The following CELF2 variants were observed in gnomAD, a reference collection of about 807,000 sequenced individuals.
CELF2 encodes CUG triplet repeat RNA-binding protein 2.
A neutral mutation model predicts 62.6 loss-of-function variants in CELF2; 8 were observed. The observed-to-expected ratio is 0.13, with a 90% CI of 0.07 to 0.23. The LOEUF (loss-of-function observed/expected upper bound fraction) is 0.23, where lower values mean the gene tolerates loss of function less well. Ranked by LOEUF, CELF2 falls within the 10% of genes least tolerant of loss-of-function variation. The probability of loss-of-function intolerance (pLI) is 1.00; values close to 1 mark genes in which losing one functional copy is unlikely to be tolerated. For synonymous variants in CELF2, 258 were observed against 250.0 expected, an observed-to-expected ratio of 1.03 and a Z score of -0.30; for missense variants, 333 against 671.0, an observed-to-expected ratio of 0.50 and a Z score of 5.56.
At chr10:10,618,956 T>C in the CELF2 span, among the ~76,000 whole-genome samples, 1 of 152,280 alleles carries the variant, frequency 6.6e-6, no homozygotes, top group Non-Finnish European at 1.5e-5. Flanking sequence ...TTGCATAGCA[T>C]GTGAAGAAGC....
Position 11,324,478 on chromosome 10 carries a change from C to T in CELF2, c.1295-1358C>T, listed in dbSNP as rs943611620. ...ACCAAAGGCCCCCCTGCAATTGTGT[C>T]CCTTTAAAATAGACTCCTTCCCATG... is the stretch of plus-strand genomic sequence containing the variant. On this transcript the variant is annotated intron_variant, in intron 11 of 12. Transcript: ENST00000633077. The surrounding 1 kb of genome is among the most constrained non-coding windows in gnomAD (Gnocchi z 4.7). 6.6e-6 allele frequency among the ~76,000 whole-genome samples: 1 copy of T among 152,190 alleles called. No individual in the cohort carries two copies. Among genetic ancestry groups the T allele is most frequent in the Admixed American group, 6.5e-5 (1 of 15,284 alleles).
At chr10:11,114,199 C>T (rs1024456595) in intron 1 of CELF2, among the ~76,000 whole-genome samples, 2 of 152,078 alleles carry the variant, frequency 1.3e-5, no homozygotes, top group Non-Finnish European at 2.9e-5. Flanking sequence ...AGCAAAGGGC[C>T]AGGTGCTCAG....
At chr10:11,043,022 C>T in intron 1 of CELF2, among the ~76,000 whole-genome samples, 1 of 152,148 alleles carries the variant, frequency 6.6e-6, no homozygotes. Context: ...TTTAATCCTC[C>T]TGTGTATATG....
the CELF2 span, among the ~76,000 whole-genome samples, chr10:10,634,766 A>C: frequency 6.6e-6 from 1 of 150,694 alleles, no homozygotes; most frequent in African/African-American, 2.4e-5. Context: ...GGTTCAAGCG[A>C]TTCTCCTGTC....
At chr10:10,698,071 A>T in the CELF2 span, among the ~76,000 whole-genome samples, 1 of 152,326 alleles carries the variant, frequency 6.6e-6, no homozygotes, top group South Asian at 2.1e-4. Context: ...AGTAGGTTTT[A>T]ACATATCAAT....
rs1029997927 is a variant in CELF2, at chr10:11,328,597, A to G, written c.1439-329A>G. Among the ~76,000 whole-genome samples the G allele has an allele frequency of 5.3e-5, 8 of 152,216 alleles. No homozygotes were observed. The highest frequency in any genetic ancestry group is 1.4e-4 in the African/African-American group (6 of 41,454). ...CTGGGGTTCTTTTGGAGAGATACTA[A>G]AGGACTTGAAACACAATGATTTGAG... is the stretch of plus-strand genomic sequence containing the variant. On this transcript the variant is annotated intron_variant, in intron 12 of 12. Coordinates refer to ENST00000633077, the MANE Select transcript of CELF2 (RefSeq NM_001326342.2). The surrounding 1 kb of genome is among the most constrained non-coding windows in gnomAD (Gnocchi z 6.4).
chr10:10,508,660 ATGTGTG>A, the CELF2 span, among the ~76,000 whole-genome samples: 27,634 of 140,746 alleles, frequency 0.2, 2,737 homozygotes, highest in Middle Eastern at 0.28. Context: ...TCTTAAACAG[ATGTGTG>A]TGTGTGTGTG....
rs776992437 is a variant in CELF2, at chr10:11,046,021, G to A, written c.74+27858G>A. Among the ~76,000 whole-genome samples the A allele has an allele frequency of 6.6e-6, 1 of 152,186 alleles. No homozygotes were observed. Among genetic ancestry groups the A allele is most frequent in the Non-Finnish European group, 1.5e-5 (1 of 68,038 alleles). ...AAGGAAACAAAATTTAAAATGCTCA[G>A]GGTTTGTTTTTAAAGGCAACGACTC... On this transcript the variant is annotated intron_variant, in intron 1 of 12. Coordinates refer to ENST00000633077, the MANE Select transcript of CELF2 (RefSeq NM_001326342.2). The surrounding 1 kb of genome is among the most constrained non-coding windows in gnomAD (Gnocchi z 4.6).
Position 11,260,649 on chromosome 10 carries a change from GT to G in CELF2, c.538+2791del, listed in dbSNP as rs76019888. Reference sequence around the variant, plus strand: ...GGAGAAAACTTTTCCCTCCCCATCTGTTTTTTTTTTTTTTAAACAGCAGAAA... The same window carrying G: ...GGAGAAAACTTTTCCCTCCCCATCTGTTTTTTTTTTTTTAAACAGCAGAAA... On this transcript the variant is annotated intron_variant, in intron 5 of 12. Coordinates refer to ENST00000633077, the MANE Select transcript of CELF2 (RefSeq NM_001326342.2). This position sits in a 1 kb window ranked among gnomAD's most constrained non-coding sequence, Gnocchi z 4.2. Among the ~76,000 whole-genome samples the G allele has an allele frequency of 2.1e-3, 300 of 141,406 alleles. No homozygotes were observed. The highest frequency in any genetic ancestry group is 7.4e-3 in the Middle Eastern group (2 of 272). 92.8% of individuals were successfully genotyped at this position (141,406 alleles called of 152,430 possible).
At position 11,330,948 on chromosome 10, in the gene CELF2, G is replaced by C. The variant is rs1035166750; in HGVS notation, c.*1895G>C. Reference sequence around the variant, plus strand: ...TAATAGTTTTTACATTTTTCAGGCAGTGTAAAGTTTTTTGATAAGGCCATT... The same window carrying C: ...TAATAGTTTTTACATTTTTCAGGCACTGTAAAGTTTTTTGATAAGGCCATT... On this transcript the variant is annotated 3_prime_UTR_variant, in exon 13 of 13. Transcript: ENST00000633077. The surrounding 1 kb of genome is among the most constrained non-coding windows in gnomAD (Gnocchi z 4.5). The C allele has an allele frequency of 3.3e-5, 5 of 152,526 alleles. No homozygotes were observed. The highest frequency in any genetic ancestry group is 7.3e-5 in the Non-Finnish European group (5 of 68,034). 9.4% of individuals were successfully genotyped at this position (152,526 alleles called of 1,614,324 possible).
intron 1 of CELF2, among the ~76,000 whole-genome samples, chr10:11,164,504 G>A (rs1207869731): frequency 3.3e-5 from 5 of 152,186 alleles, no homozygotes; most frequent in Non-Finnish European, 1.5e-5. Flanking sequence ...GAAGCTGGGA[G>A]AAGAAAAGGC....
At position 11,197,028 on chromosome 10, in the gene CELF2, A is replaced by AAAGAAAGAAAGAAAGAAGGAAAGAAG; in HGVS notation, c.272-20397_272-20396insAAGAAAGAAAGAAAGAAGGAAAGAAG. On this transcript the variant is annotated intron_variant, in intron 2 of 12. Coordinates refer to ENST00000633077, the MANE Select transcript of CELF2 (RefSeq NM_001326342.2). The stretch of plus-strand genomic sequence containing the variant: ...AGAAAGAAAGAAAGAAAGAAAGAAA[A>AAAGAAAGAAAGAAAGAAGGAAAGAAG]GAAAGAAAGAAAGAAAGAAAGAAAG... Among the ~76,000 whole-genome samples the AAAGAAAGAAAGAAAGAAGGAAAGAAG allele has an allele frequency of 2.4e-4, 5 of 20,980 alleles. 1 individual carries two copies. Among genetic ancestry groups the AAAGAAAGAAAGAAAGAAGGAAAGAAG allele is most frequent in the African/African-American group, 1.9e-3 (5 of 2,596 alleles). 13.8% of individuals were successfully genotyped at this position (20,980 alleles called of 152,430 possible). A position where few individuals can be genotyped will look rare whatever the true frequency, so the allele number is the denominator to read the frequency against.
At chr10:10,467,122 A>G in the CELF2 span, among the ~76,000 whole-genome samples, 1 of 152,094 alleles carries the variant, frequency 6.6e-6, no homozygotes, top group African/African-American at 2.4e-5. Flanking sequence ...ACTAGCATAA[A>G]AATTTATTTC....
chr10:10,710,294 G>T, the CELF2 span, among the ~76,000 whole-genome samples: 1 of 152,194 alleles, frequency 6.6e-6, no homozygotes, highest in Admixed American at 6.5e-5. Flanking sequence ...TCATAAAGTT[G>T]TTACCGTCGT....
At chr10:10,789,511 A>G in the CELF2 span, among the ~76,000 whole-genome samples, 1 of 152,326 alleles carries the variant, frequency 6.6e-6, no homozygotes, top group Non-Finnish European at 1.5e-5. Flanking sequence ...TGTGTCAAAT[A>G]TAACATTGTT....
At chr10:10,727,885 C>G in the CELF2 span, among the ~76,000 whole-genome samples, 2 of 151,832 alleles carry the variant, frequency 1.3e-5, no homozygotes, top group Non-Finnish European at 2.9e-5. Context: ...ATCTTTAATC[C>G]AATTCATTTT....
the CELF2 span, among the ~76,000 whole-genome samples, chr10:10,766,804 A>G: frequency 1.3e-5 from 2 of 152,284 alleles, no homozygotes; most frequent in Middle Eastern, 3.4e-3. Context: ...TTCAATGGTG[A>G]CTTCTCACTG....
intron 2 of CELF2, among the ~76,000 whole-genome samples, chr10:11,188,256 C>T (rs1215061883): frequency 6.6e-6 from 1 of 152,196 alleles, no homozygotes; most frequent in Admixed American, 6.5e-5. Flanking sequence ...CAGGCATGTG[C>T]CACCACACCT....
At chr10:10,797,307 C>T (rs768789920), upstream of CELF2, among the ~76,000 whole-genome samples, 1 of 152,028 alleles carries the variant, frequency 6.6e-6, no homozygotes, top group African/African-American at 2.4e-5. Context: ...TTTCAGTCTT[C>T]CCTCTTCCTT....
Sources: allele counts gnomAD v4.1 joint callset (sites outside exome capture counted in the v4.1 genomes callset), GRCh38; gene constraint gnomAD v4.1.1; non-coding constraint Gnocchi (gnomAD v3.1); transcripts MANE v1.5; gene names NCBI Gene and HGNC (gene_info 2026-07-23, HGNC 2026-07-21).